Variants in SPATA17 observed in about 807,000 individuals in gnomAD.
SPATA17 encodes the protein spermatogenesis associated 17, also known as spermatogenesis-associated protein 17.
Under a neutral mutation model 62.2 loss-of-function variants are expected in SPATA17, and 53 were observed. The ratio of observed to expected loss-of-function variants is 0.85; its 90% confidence interval spans 0.68 to 1.07. The LOEUF (loss-of-function observed/expected upper bound fraction) is 1.07. Ranked by LOEUF, SPATA17 falls within the 50% of genes least tolerant of loss-of-function variation. The pLI is 0.00. For synonymous variants in SPATA17, 146 were observed against 146.8 expected, an observed-to-expected ratio of 0.99 and a Z score of 0.04; for missense variants, 466 against 425.5, an observed-to-expected ratio of 1.10 and a Z score of -0.84.
intron 6 of SPATA17, among the ~76,000 whole-genome samples, chr1:217,759,657 C>T (rs1192140689): frequency 6.6e-6 from 1 of 151,962 alleles, no homozygotes; most frequent in Non-Finnish European, 1.5e-5. Flanking sequence ...AAGTTTGAGG[C>T]AGAGGGAGAT....
intron 5 of SPATA17, among the ~76,000 whole-genome samples, chr1:217,707,663 G>C (rs1196828046): frequency 6.6e-6 from 1 of 152,116 alleles, no homozygotes; most frequent in Non-Finnish European, 1.5e-5. Flanking sequence ...AACTAACAAA[G>C]ATATTCAGGA....
At chr1:217,640,370 TAATA>T (rs1210766771) in intron 1 of SPATA17, among the ~76,000 whole-genome samples, 1 of 151,848 alleles carries the variant, frequency 6.6e-6, no homozygotes, top group African/African-American at 2.4e-5. Flanking sequence ...GATTTAGAAG[TAATA>T]AATGAACTTA....
At chr1:217,816,147 A>C (rs1674711840) in intron 9 of SPATA17, among the ~76,000 whole-genome samples, 3 of 152,062 alleles carry the variant, frequency 2.0e-5, no homozygotes, top group Admixed American at 1.3e-4. Context: ...TTATAGATTA[A>C]TATAGGGGGA....
At chr1:217,761,525 T>G (rs1461520255) in intron 6 of SPATA17, among the ~76,000 whole-genome samples, 1 of 152,126 alleles carries the variant, frequency 6.6e-6, no homozygotes, top group African/African-American at 2.4e-5. Context: ...ACCTAATTAT[T>G]CATAAACTTA....
At chr1:217,763,891 T>A (rs977742927) in intron 6 of SPATA17, among the ~76,000 whole-genome samples, 1 of 152,128 alleles carries the variant, frequency 6.6e-6, no homozygotes, top group Non-Finnish European at 1.5e-5. Flanking sequence ...GGTGGTGCCA[T>A]TTACTTTTTA....
intron 9 of SPATA17, among the ~76,000 whole-genome samples, chr1:217,852,253 C>T (rs964084817): frequency 6.6e-5 from 10 of 152,138 alleles, no homozygotes; most frequent in African/African-American, 2.4e-4. Context: ...TGAATTTTTT[C>T]TAATTACTTT....
intron 5 of SPATA17, among the ~76,000 whole-genome samples, chr1:217,684,791 G>A (rs778601863): frequency 2.0e-5 from 3 of 152,184 alleles, no homozygotes; most frequent in Admixed American, 1.3e-4. Context: ...TAAAAGTTTT[G>A]TCTGAGACCC....
rs374912205 is a variant in SPATA17 at position 217,742,047 on chromosome 1, G to T, written c.468G>T (p.Lys156Asn). Reference sequence around the variant, plus strand: ...AGGCTAACCTCGAAAGGGAAGAGAAGAAAAGAGATTACCAAGCCCGAAAGA... The same window carrying T: ...AGGCTAACCTCGAAAGGGAAGAGAATAAAAGAGATTACCAAGCCCGAAAGA... ...EKKANLEREE[K>N]KRDYQARKMH... Residue 156 changes from lysine (K) to asparagine (N), a missense_variant, in exon 6 of 11, where the codon AAG becomes AAT. Transcript: ENST00000366933. The T allele has an allele frequency of 1.2e-6, 2 of 1,614,126 alleles. No homozygotes were observed. Among genetic ancestry groups the T allele is most frequent in the Non-Finnish European group, 1.7e-6 (2 of 1,180,014 alleles).
In SPATA17 at chr1:217,728,698, G is replaced by GA. The variant is rs567193958; in HGVS notation, c.396-13277_396-13276insA. Among the ~76,000 whole-genome samples, 505 of 152,064 alleles carry GA rather than the reference G, an allele frequency of 3.3e-3. 2 individuals are homozygous for GA. Among genetic ancestry groups the GA allele is most frequent in the African/African-American group, 0.012 (481 of 41,482 alleles). ...ATTAAAAAAACTGGCTGTTTTGTAG[G>GA]TTCATTCAATAAATAGGTAAACTGT... On this transcript the variant is annotated intron_variant, in intron 5 of 10. Transcript: ENST00000366933.
intron 3 of SPATA17, among the ~76,000 whole-genome samples, chr1:217,659,166 A>G (rs1670509243): frequency 6.6e-6 from 1 of 151,002 alleles, no homozygotes; most frequent in Non-Finnish European, 1.5e-5. Context: ...AATTCAATTT[A>G]AAGGAGACTT....
At chr1:217,649,000 GA>G (rs759257767) in intron 2 of SPATA17, 29 bp downstream of exon 2, 1 of 1,424,810 alleles carries the variant, frequency 7.0e-7, no homozygotes, top group Admixed American at 2.1e-5. Flanking sequence ...GGAAACCTCA[GA>G]TATATCATAA....
intron 4 of SPATA17, among the ~76,000 whole-genome samples, chr1:217,676,052 G>T (rs538077250): frequency 6.6e-6 from 1 of 152,078 alleles, no homozygotes; most frequent in East Asian, 1.9e-4. Context: ...TACATTTCAC[G>T]CAGGAATTCT....
intron 10 of SPATA17, 154 bp from the exon 11 acceptor site, chr1:217,866,868 T>C (rs1676025743): frequency 6.6e-6 from 1 of 151,986 alleles, no homozygotes; most frequent in Admixed American, 6.6e-5. Flanking sequence ...TTTTACTGTT[T>C]TGTTTTTAGA....
intron 9 of SPATA17, among the ~76,000 whole-genome samples, chr1:217,862,019 A>G (rs1342678460): frequency 1.3e-5 from 2 of 151,966 alleles, no homozygotes; most frequent in Non-Finnish European, 2.9e-5. Context: ...TATGGGCCCT[A>G]TAAAGAGCTG....
chr1:217,719,653 A>G (rs1401445678), intron 5 of SPATA17, among the ~76,000 whole-genome samples: 4 of 152,238 alleles, frequency 2.6e-5, no homozygotes, highest in African/African-American at 9.6e-5. Context: ...ATGAAGCTTT[A>G]TTAAGTAATA....
intron 8 of SPATA17, among the ~76,000 whole-genome samples, chr1:217,793,969 A>G (rs940766554): frequency 6.6e-6 from 1 of 151,940 alleles, no homozygotes; most frequent in Non-Finnish European, 1.5e-5. Context: ...GCAAAAAATT[A>G]GTTGGGTGTG....
chr1:217,856,990 C>A (rs1282555700), intron 9 of SPATA17, among the ~76,000 whole-genome samples: 1 of 152,136 alleles, frequency 6.6e-6, no homozygotes, highest in Non-Finnish European at 1.5e-5. Context: ...AGTATTTATA[C>A]GTAGCGAGAA....
At chr1:217,651,215 G>T (rs1257332926) in intron 3 of SPATA17, 37 bp downstream of exon 3, 2 of 1,456,406 alleles carry the variant, frequency 1.4e-6, no homozygotes, top group South Asian at 1.2e-5. Flanking sequence ...CATTTGAATT[G>T]TACAATATGC....
At chr1:217,768,515 G>A (rs1340031356) in intron 6 of SPATA17, among the ~76,000 whole-genome samples, 2 of 140,200 alleles carry the variant, frequency 1.4e-5, no homozygotes, top group Non-Finnish European at 3.1e-5. Flanking sequence ...TTTTTAAGAC[G>A]GAATTTCACA....
Sources: allele counts gnomAD v4.1 joint callset (sites outside exome capture counted in the v4.1 genomes callset), GRCh38; gene constraint gnomAD v4.1.1; transcripts MANE v1.5; gene names NCBI Gene and HGNC (gene_info 2026-07-23, HGNC 2026-07-21).